The following SLIT1 variants were observed in gnomAD, a reference collection of about 807,000 sequenced individuals.
The protein encoded by SLIT1 is slit homolog 1 protein.
A neutral mutation model predicts 186.1 loss-of-function variants in SLIT1; 66 were observed. The ratio of observed to expected loss-of-function variants is 0.35; its 90% CI spans 0.29 to 0.44. SLIT1 has a LOEUF of 0.44. Ranked by LOEUF, SLIT1 falls within the 20% of genes least tolerant of loss-of-function variation. The pLI, the probability that SLIT1 is intolerant of heterozygous loss-of-function variation, is 1.00. For missense variants in SLIT1, 1,638 were observed against 2,037.4 expected (o/e 0.80, Z 3.77); for synonymous variants, 761 against 833.8 (o/e 0.91, Z 1.50).
intron 4 of SLIT1, among the ~76,000 whole-genome samples, chr10:97,126,730 G>A (rs1057345413): frequency 1.3e-5 from 2 of 152,216 alleles, no homozygotes; most frequent in Admixed American, 1.3e-4. Context: ...ACATGAATGA[G>A]TGGCTGGTCT....
chr10:97,027,781 A>G (rs867448095), intron 25 of SLIT1, among the ~76,000 whole-genome samples: 22 of 152,346 alleles, frequency 1.4e-4, no homozygotes, highest in African/African-American at 5.3e-4. Context: ...TCTCATTTGA[A>G]AAACAAAACC....
At position 97,004,595 on chromosome 10, in the gene SLIT1, T is replaced by C; in HGVS notation, c.3710+98A>G. The C allele has an allele frequency of 7.0e-7, 1 of 1,436,440 alleles. No homozygotes were observed. Among genetic ancestry groups the C allele is most frequent in the East Asian group, 2.3e-5 (1 of 44,048 alleles). 89.0% of individuals were successfully genotyped at this position (1,436,440 alleles called of 1,614,324 possible). ...CCTTCAAACTCAGGCAGCCCAGGTT[T>C]CTAGAGGTCTCGATAACCACCTGCT... On this transcript the variant is annotated intron_variant, in intron 33 of 36. Transcript: ENST00000266058. This position sits in a 1 kb window ranked among gnomAD's most constrained non-coding sequence, Gnocchi z 5.1.
Position 97,021,498 on chromosome 10 carries a change from C to A in SLIT1, c.2583-85G>T. Reference sequence around the variant, plus strand: ...GAACCTAGAGTCCCAGGCACTGCACCAGGGGCTGGCAAAAATCTTAGCCTC... The same window carrying A: ...GAACCTAGAGTCCCAGGCACTGCACAAGGGGCTGGCAAAAATCTTAGCCTC... On this transcript the variant is annotated intron_variant, in intron 25 of 36. Coordinates refer to ENST00000266058, the MANE Select transcript of SLIT1 (RefSeq NM_003061.3). The surrounding 1 kb of genome is among the most constrained non-coding windows in gnomAD (Gnocchi z 4.5). The A allele has an allele frequency of 8.0e-7, 1 of 1,256,696 alleles. No individual in the cohort carries two copies. Among genetic ancestry groups the A allele is most frequent in the Non-Finnish European group, 1.1e-6 (1 of 908,534 alleles). 77.8% of individuals were successfully genotyped at this position (1,256,696 alleles called of 1,614,324 possible). A position where few individuals can be genotyped will look rare whatever the true frequency, so the allele number is the denominator to read the frequency against.
chr10:97,171,921 C>T (rs1481592092), intron 1 of SLIT1, among the ~76,000 whole-genome samples: 1 of 152,134 alleles, frequency 6.6e-6, no homozygotes, highest in East Asian at 1.9e-4. Flanking sequence ...CTTGCTACTC[C>T]ATCTGCCTGG....
At chr10:97,094,838 C>T (rs894011886) in intron 4 of SLIT1, among the ~76,000 whole-genome samples, 1 of 152,084 alleles carries the variant, frequency 6.6e-6, no homozygotes, top group Non-Finnish European at 1.5e-5. Flanking sequence ...TTTTTTCTCC[C>T]CTTGGGTGGA....
intron 28 of SLIT1, among the ~76,000 whole-genome samples, chr10:97,014,384 G>A (rs901832206): frequency 5.3e-5 from 8 of 152,186 alleles, no homozygotes; most frequent in Non-Finnish European, 1.0e-4. Context: ...CGAGGGGAGA[G>A]GTAGTGAGGA....
At chr10:97,163,521 C>G (rs373352546) in intron 2 of SLIT1, 70 bp from the exon 3 acceptor site, 2 of 1,400,562 alleles carry the variant, frequency 1.4e-6, no homozygotes, top group African/African-American at 2.8e-5. Flanking sequence ...GCTGGCACAA[C>G]GGCGGGGCAG....
At chr10:97,114,683 T>C (rs1849494440) in intron 4 of SLIT1, among the ~76,000 whole-genome samples, 1 of 152,134 alleles carries the variant, frequency 6.6e-6, no homozygotes, top group South Asian at 2.1e-4. Context: ...AAGTCCAAAG[T>C]AGGTGATGGA....
chr10:97,021,703 C>G lies in SLIT1; in HGVS notation c.2583-290G>C, dbSNP rs1848503711. The stretch of plus-strand genomic sequence containing the variant: ...TCATACTCCCAAGTATCTGGGATTA[C>G]AGACACACACCGCCATGCACAGCTA... On this transcript the variant is annotated intron_variant, in intron 25 of 36. Transcript: ENST00000266058. This position sits in a 1 kb window ranked among gnomAD's most constrained non-coding sequence, Gnocchi z 4.5. 6.6e-6 allele frequency among the ~76,000 whole-genome samples: 1 copy of G among 152,052 alleles called. No individual in the cohort carries two copies. Among genetic ancestry groups the G allele is most frequent in the Non-Finnish European group, 1.5e-5 (1 of 68,036 alleles).
chr10:97,011,852 T>C (rs1404541674), intron 30 of SLIT1, among the ~76,000 whole-genome samples: 2 of 152,130 alleles, frequency 1.3e-5, no homozygotes, highest in Non-Finnish European at 2.9e-5. Context: ...TACCGTCTCC[T>C]GTCTGCCTGC....
intron 4 of SLIT1, among the ~76,000 whole-genome samples, chr10:97,091,298 C>T (rs181948152): frequency 1.3e-3 from 195 of 152,308 alleles, no homozygotes; most frequent in Non-Finnish European, 5.6e-4. Flanking sequence ...CATGTCTTTC[C>T]GTGAAGTGAG....
chr10:97,018,926 C>T, intron 27 of SLIT1, 57 bp downstream of exon 27: 1 of 1,066,094 alleles, frequency 9.4e-7, no homozygotes, highest in Non-Finnish European at 1.4e-6. Flanking sequence ...GCCCTGGGGA[C>T]AGCCCTGCAG....
intron 30 of SLIT1, among the ~76,000 whole-genome samples, chr10:97,012,253 G>T (rs758872571): frequency 5.3e-5 from 8 of 152,078 alleles, no homozygotes; most frequent in Non-Finnish European, 1.2e-4. Context: ...ATTAAACAGG[G>T]GCTGGGGCTC....
Position 97,021,308 on chromosome 10 carries a change from G to A in SLIT1, c.2688C>T (p.Pro896=), listed in dbSNP as rs975371374. The A allele has an allele frequency of 6.2e-7, 1 of 1,614,166 alleles. No homozygotes were observed. Among genetic ancestry groups the A allele is most frequent in the Admixed American group, 1.7e-5 (1 of 60,022 alleles). ...KEPGIARCAG[P]QDMEGKLLLT... Reference sequence around the variant, plus strand: ...GGAGCAGCTTGCCCTCCATGTCCTGGGGCCCAGCACAACGAGCAATGCCCG... The same window carrying A: ...GGAGCAGCTTGCCCTCCATGTCCTGAGGCCCAGCACAACGAGCAATGCCCG... Residue 896 remains proline (P), a synonymous_variant, in exon 26 of 37, where the codon CCC becomes CCT. Transcript: ENST00000266058. The surrounding 1 kb of genome is among the most constrained non-coding windows in gnomAD (Gnocchi z 4.5).
At chr10:97,140,484 G>A (rs1224586073) in intron 4 of SLIT1, among the ~76,000 whole-genome samples, 2 of 152,208 alleles carry the variant, frequency 1.3e-5, no homozygotes, top group African/African-American at 4.8e-5. Context: ...TGCACAGCAC[G>A]AGTGGGCCCC....
intron 34 of SLIT1, among the ~76,000 whole-genome samples, 178 bp from the exon 35 acceptor site, chr10:97,003,170 GAAGA>G (rs1319640876): frequency 6.6e-6 from 1 of 152,232 alleles, no homozygotes; most frequent in Non-Finnish European, 1.5e-5. Context: ...TCCTTGCCCA[GAAGA>G]AAGGGAAAAG....
At chr10:97,040,187 A>C (rs1389132688) in intron 20 of SLIT1, 67 bp from the exon 21 acceptor site, 7 of 1,442,534 alleles carry the variant, frequency 4.9e-6, no homozygotes, top group Admixed American at 2.8e-5. Flanking sequence ...TCCTACAGTC[A>C]GGGCCATGCT....
chr10:97,119,994 A>T (rs1849547058), intron 4 of SLIT1, among the ~76,000 whole-genome samples: 1 of 143,678 alleles, frequency 7.0e-6, no homozygotes, highest in Admixed American at 7.3e-5. Flanking sequence ...ACAAACATTT[A>T]TCTGTCAGTT....
At chr10:97,063,820 C>T (rs1302883582) in intron 7 of SLIT1, among the ~76,000 whole-genome samples, 1 of 152,152 alleles carries the variant, frequency 6.6e-6, no homozygotes, top group African/African-American at 2.4e-5. Context: ...CCCTCCCCTC[C>T]CACATGCTCT....
Sources: gnomAD v4.1 joint callset for allele counts (sites outside exome capture counted in the v4.1 genomes callset) on GRCh38, gnomAD v4.1.1 for gene constraint, Gnocchi (gnomAD v3.1) non-coding constraint, MANE v1.5 for transcripts, NCBI Gene and HGNC (gene_info 2026-07-23, HGNC 2026-07-21) for gene names.